Variants in UNC13C observed in about 807,000 individuals in gnomAD.
The protein encoded by UNC13C is protein unc-13 homolog C.
In UNC13C, 174 loss-of-function variants were observed where a neutral mutation model predicts 245.4. The ratio of observed to expected loss-of-function variants is 0.71; its 90% confidence interval spans 0.63 to 0.80. UNC13C has a LOEUF of 0.80. Ranked by LOEUF, UNC13C falls within the 30% of genes least tolerant of loss-of-function variation. The pLI is 0.00. For missense variants in UNC13C, 2,829 were observed against 2,602.9 expected, an observed-to-expected ratio of 1.09 and a Z score of -1.89; for synonymous variants, 992 against 895.1, an observed-to-expected ratio of 1.11 and a Z score of -1.93.
At chr15:54,547,297 AG>A (rs1175326665) in intron 27 of UNC13C, among the ~76,000 whole-genome samples, 1 of 152,086 alleles carries the variant, frequency 6.6e-6, no homozygotes, top group African/African-American at 2.4e-5. Context: ...GGAAGTTAAT[AG>A]AGGAGGCATC....
intron 24 of UNC13C, among the ~76,000 whole-genome samples, chr15:54,518,760 C>T (rs1895088755): frequency 6.6e-6 from 1 of 152,120 alleles, no homozygotes; most frequent in South Asian, 2.1e-4. Flanking sequence ...ATTCACATCG[C>T]TGAGCAGTGG....
chr15:54,240,406 T>A (rs961118403), intron 7 of UNC13C, among the ~76,000 whole-genome samples: 5 of 152,192 alleles, frequency 3.3e-5, no homozygotes, highest in Non-Finnish European at 5.9e-5. Context: ...TAGGCACACT[T>A]GATACAAAAG....
At chr15:54,252,540 A>G (rs181175145) in intron 8 of UNC13C, among the ~76,000 whole-genome samples, 1 of 152,252 alleles carries the variant, frequency 6.6e-6, no homozygotes, top group African/African-American at 2.4e-5. Flanking sequence ...AGGTCCTACA[A>G]GTATGTATAC....
At chr15:54,580,638 A>G (rs1227655134) in intron 30 of UNC13C, among the ~76,000 whole-genome samples, 2 of 139,730 alleles carry the variant, frequency 1.4e-5, no homozygotes, top group Non-Finnish European at 2.9e-5. Context: ...ACTACAAGTG[A>G]TAATACCCAT....
rs149585727 is a variant in UNC13C at position 54,001,125 on chromosome 15, T to C, written c.-256-11523T>C. Among the ~76,000 whole-genome samples, 493 of 152,328 alleles carry C rather than the reference T, an allele frequency of 3.2e-3. 3 individuals carry two copies. Among genetic ancestry groups the C allele is most frequent in the Non-Finnish European group, 5.5e-3 (373 of 68,030 alleles). ...AGCTGAGCAGGTTGGTGATAGTTCA[T>C]GACAGGTTTTGATAAATTTATTACT... On this transcript the variant is annotated intron_variant, in intron 1 of 32. Coordinates refer to ENST00000260323, the MANE Select transcript of UNC13C (RefSeq NM_001080534.3).
chr15:54,141,160 T>G (rs1055215853), intron 2 of UNC13C, among the ~76,000 whole-genome samples: 3 of 152,232 alleles, frequency 2.0e-5, no homozygotes, highest in Non-Finnish European at 4.4e-5. Context: ...GTTGCTAGTG[T>G]ATAAGAAATA....
At chr15:54,236,196 G>C (rs1248020593) in intron 5 of UNC13C, among the ~76,000 whole-genome samples, 1 of 152,014 alleles carries the variant, frequency 6.6e-6, no homozygotes, top group Non-Finnish European at 1.5e-5. Flanking sequence ...TTTTAATTTT[G>C]CTAAGAAAGC....
chr15:54,574,245 G>A lies in UNC13C; in HGVS notation c.6106+6298G>A, dbSNP rs181348457. Among the ~76,000 whole-genome samples, 643 of 152,100 alleles carry A rather than the reference G, an allele frequency of 4.2e-3. 6 individuals carry two copies. The highest frequency in any genetic ancestry group is 0.013 in the African/African-American group (526 of 41,492). Reference sequence around the variant, plus strand: ...AAATTTTAATATATGTTGGAATTACGACATGTTATTTCTCCAAAATTTGAC... The same window carrying A: ...AAATTTTAATATATGTTGGAATTACAACATGTTATTTCTCCAAAATTTGAC... On this transcript the variant is annotated intron_variant, in intron 30 of 32. Transcript: ENST00000260323.
chr15:54,400,773 T>C (rs1016860327), intron 18 of UNC13C, among the ~76,000 whole-genome samples: 3 of 152,238 alleles, frequency 2.0e-5, no homozygotes, highest in African/African-American at 4.8e-5. Flanking sequence ...TATTATACTT[T>C]AAGTTCTAGG....
At chr15:54,050,538 C>G in intron 2 of UNC13C, 1 of 473,070 alleles carries the variant, frequency 2.1e-6, no homozygotes, top group South Asian at 1.7e-5. Context: ...CTTCATCATT[C>G]TATCTTCCTG....
At chr15:53,928,600 A>AG in the UNC13C span, among the ~76,000 whole-genome samples, 1 of 152,160 alleles carries the variant, frequency 6.6e-6, no homozygotes, top group Non-Finnish European at 1.5e-5. Context: ...TGTAAAAAAA[A>AG]AAGTTCTATT....
At chr15:54,101,118 C>A (rs556359007) in intron 2 of UNC13C, among the ~76,000 whole-genome samples, 31 of 152,016 alleles carry the variant, frequency 2.0e-4, no homozygotes, top group Non-Finnish European at 3.5e-4. Flanking sequence ...TTACATATTT[C>A]CTTCAATATA....
chr15:54,567,050 T>C (rs905661179), intron 29 of UNC13C, among the ~76,000 whole-genome samples: 3 of 152,092 alleles, frequency 2.0e-5, no homozygotes, highest in African/African-American at 7.2e-5. Flanking sequence ...CATATATCTC[T>C]AGACAGTCTG....
At chr15:54,311,161 A>C (rs1211662430) in intron 13 of UNC13C, among the ~76,000 whole-genome samples, 1 of 151,716 alleles carries the variant, frequency 6.6e-6, no homozygotes. Flanking sequence ...CAGTTTCAGT[A>C]TTTTATTTTG....
At chr15:54,150,548 A>G (rs949896730) in intron 4 of UNC13C, among the ~76,000 whole-genome samples, 15 of 152,232 alleles carry the variant, frequency 9.9e-5, no homozygotes, top group Non-Finnish European at 2.1e-4. Context: ...TCTAAAACCC[A>G]TGAATCAAGA....
At chr15:54,300,661 C>G (rs1337547937) in intron 13 of UNC13C, among the ~76,000 whole-genome samples, 2 of 152,168 alleles carry the variant, frequency 1.3e-5, no homozygotes, top group East Asian at 3.9e-4. Context: ...CACCCCATCC[C>G]AGACCTACTG....
chr15:54,228,403 C>G (rs918362627), intron 4 of UNC13C, among the ~76,000 whole-genome samples: 2 of 152,028 alleles, frequency 1.3e-5, no homozygotes, highest in Non-Finnish European at 2.9e-5. Context: ...CCTTTTCTCT[C>G]CGTTTCTCAA....
the UNC13C span, among the ~76,000 whole-genome samples, chr15:53,934,071 C>T: frequency 6.6e-5 from 10 of 152,304 alleles, no homozygotes; most frequent in African/African-American, 2.2e-4. Context: ...AAAGGAGAGC[C>T]AGCATATTAC....
At chr15:54,049,400 G>T in intron 2 of UNC13C, 1 of 510,168 alleles carries the variant, frequency 2.0e-6, no homozygotes, top group South Asian at 1.5e-5. Context: ...CCTTCTTTGA[G>T]ATCAAATATA....
Sources: allele counts gnomAD v4.1 joint callset (sites outside exome capture counted in the v4.1 genomes callset), GRCh38; gene constraint gnomAD v4.1.1; transcripts MANE v1.5; gene names NCBI Gene and HGNC (gene_info 2026-07-23, HGNC 2026-07-21).